Variants in NXPE2 observed in about 807,000 individuals in gnomAD.
The protein encoded by NXPE2 is NXPE family member 2.
A neutral mutation model predicts 34.4 loss-of-function variants in NXPE2; 34 were observed. The ratio of observed to expected loss-of-function variants is 0.99; its 90% CI spans 0.75 to 1.31. The LOEUF (loss-of-function observed/expected upper bound fraction) is 1.31. NXPE2 is among the 40% of genes most tolerant of loss of function. The pLI is 0.00. For missense variants in NXPE2, 649 were observed against 672.5 expected, an observed-to-expected ratio of 0.97 and a Z score of 0.39; for synonymous variants, 235 against 231.3, an observed-to-expected ratio of 1.02 and a Z score of -0.15.
At chr11:114,688,202 A>T (rs1951082496) in intron 2 of NXPE2, among the ~76,000 whole-genome samples, 1 of 152,062 alleles carries the variant, frequency 6.6e-6, no homozygotes, top group African/African-American at 2.4e-5. Context: ...CCTGTTCATT[A>T]TGATGTTGGC....
intron 2 of NXPE2, among the ~76,000 whole-genome samples, chr11:114,694,264 C>T (rs1951207718): frequency 6.6e-6 from 1 of 152,200 alleles, no homozygotes; most frequent in South Asian, 2.1e-4. Context: ...TCCCTTTTGC[C>T]ATGTAACTTA....
the NXPE2 span, among the ~76,000 whole-genome samples, chr11:114,755,145 G>T: frequency 1.3e-5 from 2 of 152,146 alleles, no homozygotes; most frequent in South Asian, 4.1e-4. Context: ...AAGAGGAGCA[G>T]AAAAATGGGG....
At chr11:114,787,393 C>T in the NXPE2 span, among the ~76,000 whole-genome samples, 1 of 152,104 alleles carries the variant, frequency 6.6e-6, no homozygotes, top group Non-Finnish European at 1.5e-5. Flanking sequence ...AACGGGGGAG[C>T]ATCACGTTTC....
the NXPE2 span, among the ~76,000 whole-genome samples, chr11:114,669,447 C>A: frequency 6.6e-6 from 1 of 152,040 alleles, no homozygotes; most frequent in African/African-American, 2.4e-5. Flanking sequence ...GTAAGATATC[C>A]CTTTTCATTC....
the NXPE2 span, among the ~76,000 whole-genome samples, chr11:114,794,326 T>C: frequency 1.3e-5 from 2 of 152,170 alleles, no homozygotes; most frequent in Non-Finnish European, 2.9e-5. Flanking sequence ...TGCTTGTTCA[T>C]ATTGCAATAA....
chr11:114,476,881 G>A, the NXPE2 span, among the ~76,000 whole-genome samples: 1 of 152,156 alleles, frequency 6.6e-6, no homozygotes, highest in Admixed American at 6.6e-5. Flanking sequence ...GGACGAGCTG[G>A]TTGTGGAAGA....
At chr11:114,787,813 ACTCTGCCCATCC>A in the NXPE2 span, among the ~76,000 whole-genome samples, 4 of 151,962 alleles carry the variant, frequency 2.6e-5, no homozygotes, top group Non-Finnish European at 5.9e-5. Flanking sequence ...CCTCTCCTCA[ACTCTGCCCATCC>A]CTCTGCCCGT....
chr11:114,727,774 A>AACACACACACAC, the NXPE2 span, among the ~76,000 whole-genome samples: 2,343 of 127,530 alleles, frequency 0.018, 34 homozygotes, highest in Non-Finnish European at 0.02. Flanking sequence ...ATGTGTACAC[A>AACACACACACAC]ACACACACAC....
chr11:114,807,920 C>G, the NXPE2 span, among the ~76,000 whole-genome samples: 1 of 152,196 alleles, frequency 6.6e-6, no homozygotes. Context: ...ATGCCTACTC[C>G]AAAATTGACC....
At chr11:114,591,418 G>A in the NXPE2 span, among the ~76,000 whole-genome samples, 17 of 152,172 alleles carry the variant, frequency 1.1e-4, no homozygotes, top group South Asian at 2.1e-4. Flanking sequence ...AGAGGTAGCA[G>A]TAATGCATTG....
the NXPE2 span, among the ~76,000 whole-genome samples, chr11:114,808,146 G>A: frequency 1.3e-5 from 2 of 152,262 alleles, no homozygotes; most frequent in Admixed American, 1.3e-4. Context: ...TGAAACCAAC[G>A]AGGACAAAGA....
chr11:114,781,594 A>T, the NXPE2 span, among the ~76,000 whole-genome samples: 2 of 152,172 alleles, frequency 1.3e-5, no homozygotes, highest in African/African-American at 4.8e-5. Flanking sequence ...GATAGAAAAT[A>T]TGACCAGGGG....
At chr11:114,654,980 C>G in the NXPE2 span, among the ~76,000 whole-genome samples, 1 of 152,128 alleles carries the variant, frequency 6.6e-6, no homozygotes. Context: ...TTGCCAGCAC[C>G]TATTGTTTCC....
chr11:114,534,450 G>C, the NXPE2 span, among the ~76,000 whole-genome samples: 4 of 152,320 alleles, frequency 2.6e-5, no homozygotes, highest in East Asian at 3.9e-4. Context: ...ACTTTGACGA[G>C]TTGAGAGAGG....
the NXPE2 span, chr11:114,554,140 G>C: frequency 6.1e-6 from 6 of 985,410 alleles, no homozygotes; most frequent in Non-Finnish European, 7.2e-6. Flanking sequence ...TCCTCAGACA[G>C]GATTGAATCA....
At chr11:114,772,580 A>G in the NXPE2 span, among the ~76,000 whole-genome samples, 5 of 152,112 alleles carry the variant, frequency 3.3e-5, no homozygotes, top group Non-Finnish European at 7.3e-5. Flanking sequence ...GTAGGACTCA[A>G]ATAGTGACCT....
upstream of NXPE2, among the ~76,000 whole-genome samples, chr11:114,674,271 T>G (rs1242633046): frequency 2.0e-5 from 3 of 151,794 alleles, no homozygotes; most frequent in African/African-American, 7.2e-5. Context: ...CAAATAACCT[T>G]AATTTTCTCT....
chr11:114,586,491 G>A, the NXPE2 span, among the ~76,000 whole-genome samples: 44 of 152,234 alleles, frequency 2.9e-4, no homozygotes, highest in East Asian at 5.0e-3. Context: ...AAAAGTTAGC[G>A]TGGCTACCAG....
chr11:114,649,351 A>G, the NXPE2 span, among the ~76,000 whole-genome samples: 1 of 152,226 alleles, frequency 6.6e-6, no homozygotes, highest in Non-Finnish European at 1.5e-5. Context: ...TTAACTGGTG[A>G]ATGGATAGAC....
Sources: gnomAD v4.1 joint callset for allele counts (sites outside exome capture counted in the v4.1 genomes callset) on GRCh38, gnomAD v4.1.1 for gene constraint, MANE v1.5 for transcripts, NCBI Gene and HGNC (gene_info 2026-07-23, HGNC 2026-07-21) for gene names.